Variants in POLDIP3 observed in about 807,000 individuals in gnomAD.
POLDIP3 encodes the protein polymerase delta-interacting protein 3.
POLDIP3 carries 14 observed loss-of-function variants against 45.1 expected under a neutral mutation model. The ratio of observed to expected loss-of-function variants is 0.31; its 90% confidence interval spans 0.20 to 0.49. POLDIP3 has a LOEUF of 0.49. Among genes scored for constraint, POLDIP3 ranks in the 20% least tolerant of loss-of-function variants. The probability of loss-of-function intolerance (pLI) is 0.99; values close to 1 mark genes in which losing one functional copy is unlikely to be tolerated. For missense variants in POLDIP3, 511 were observed against 538.8 expected (o/e 0.95, Z 0.51); for synonymous variants, 223 against 205.2 (o/e 1.09, Z -0.74).
In POLDIP3 at chr22:42,605,095, ACT is replaced by A. The variant is rs368468520; in HGVS notation, c.60-1937_60-1936del. 8.8e-4 allele frequency among the ~76,000 whole-genome samples: 134 copies of A among 152,166 alleles called. 1 individual carries two copies. In the East Asian group the frequency reaches 0.022, roughly 25 times the overall value. On this transcript the variant is annotated intron_variant, in intron 1 of 8. Coordinates refer to ENST00000252115, the MANE Select transcript of POLDIP3 (RefSeq NM_032311.5). ...AGCATCCTGATCCTGGACTTCCCAG[ACT>A]CTCTGTGACAAGGAAGTTTCTTTTC...
At position 42,596,338 on chromosome 22, in the gene POLDIP3, T is replaced by A. The variant is rs796647560; in HGVS notation, c.661A>T (p.Met221Leu). The change falls in exon 5 of 9, where the codon ATG becomes TTG. Residue 221 changes from methionine to leucine, a missense_variant. Around this residue, in one of 4 missense-constraint regions of POLDIP3, gnomAD observed 378 missense variants for 352.3 expected, o/e 1.07. Transcript: ENST00000252115. Reference sequence around the variant, plus strand: ...TTGGTGAGAGGGAGGGCCTTGGACATGGAAAGCTTGGAACTGCTTAGCCCA... The same window carrying A: ...TTGGTGAGAGGGAGGGCCTTGGACAAGGAAAGCTTGGAACTGCTTAGCCCA... ...MAGLSSSKLS[M>L]SKALPLTKVV... 8 of 1,613,976 alleles carry A rather than the reference T, an allele frequency of 5.0e-6. No individual in the cohort carries two copies. The highest frequency in any genetic ancestry group is 1.6e-4 in the Middle Eastern group (1 of 6,084).
At chr22:42,588,783 C>T (rs1442107032) in intron 7 of POLDIP3, among the ~76,000 whole-genome samples, 1 of 152,048 alleles carries the variant, frequency 6.6e-6, no homozygotes, top group Non-Finnish European at 1.5e-5. Flanking sequence ...CATGTACCAC[C>T]ACACCTGGCT....
At chr22:42,608,263 C>CA (rs1926898103) in intron 1 of POLDIP3, among the ~76,000 whole-genome samples, 9 of 130,054 alleles carry the variant, frequency 6.9e-5, no homozygotes, top group African/African-American at 1.6e-4. Flanking sequence ...ACCCCCCCCC[C>CA]CAAAAAAAAA....
chr22:42,601,887 A>G, intron 3 of POLDIP3, 83 bp downstream of exon 3: 1 of 1,445,326 alleles, frequency 6.9e-7, no homozygotes. Context: ...CCACCCAAGT[A>G]GGCCTCATCA....
chr22:42,609,149 G>A (rs1349838904), intron 1 of POLDIP3, among the ~76,000 whole-genome samples: 1 of 152,294 alleles, frequency 6.6e-6, no homozygotes, highest in East Asian at 1.9e-4. Context: ...ACCCCTGGGG[G>A]GGCCTCGGCT....
Position 42,592,589 on chromosome 22 carries a change from C to T in POLDIP3, c.892-505G>A, listed in dbSNP as rs376755965. On this transcript the variant is annotated intron_variant, in intron 6 of 8. Transcript: ENST00000252115. Reference sequence around the variant, plus strand: ...CCCCAGCAAAACAGGGACAGTTGGTCACTCTAAGTCAGACCTGAGTTTGAT... The same window carrying T: ...CCCCAGCAAAACAGGGACAGTTGGTTACTCTAAGTCAGACCTGAGTTTGAT... Among the ~76,000 whole-genome samples, 48 of 152,304 alleles carry T rather than the reference C, an allele frequency of 3.2e-4. 1 individual carries two copies. The South Asian group carries it at 1.0e-2, about 32-fold the overall frequency.
At chr22:42,602,178 C>T (rs1926433226) in intron 2 of POLDIP3, 122 bp from the exon 3 acceptor site, 1 of 1,459,288 alleles carries the variant, frequency 6.9e-7, no homozygotes, top group East Asian at 2.3e-5. Flanking sequence ...AAAGGCACTA[C>T]AGAGGGCCTT....
chr22:42,607,551 G>C (rs1310214992), intron 1 of POLDIP3, among the ~76,000 whole-genome samples: 3 of 151,516 alleles, frequency 2.0e-5, no homozygotes, highest in African/African-American at 7.3e-5. Context: ...AGTGAGGAGC[G>C]TCTCTGCCTG....
intron 1 of POLDIP3, among the ~76,000 whole-genome samples, chr22:42,604,290 G>A (rs1926586653): frequency 6.6e-6 from 1 of 152,082 alleles, no homozygotes; most frequent in Non-Finnish European, 1.5e-5. Flanking sequence ...GGGTGGGGCG[G>A]GGGGAGGAGA....
rs977458930 is a variant in POLDIP3, at chr22:42,585,430, A to G, written c.*361T>C. 1.1e-5 allele frequency: 4 copies of G among 366,644 alleles called. No homozygotes were observed. Among genetic ancestry groups the G allele is most frequent in the South Asian group, 6.3e-5 (3 of 47,872 alleles). 22.7% of individuals were successfully genotyped at this position (366,644 alleles called of 1,614,324 possible). ...CTGGAAAAAGCAGGGTCCTTCAGAC[A>G]GCCCCCACGCTGCATCCCATGGGGC... On this transcript the variant is annotated 3_prime_UTR_variant, in exon 9 of 9. Coordinates refer to ENST00000252115, the MANE Select transcript of POLDIP3 (RefSeq NM_032311.5).
At chr22:42,601,547 G>C (rs899231841) in intron 3 of POLDIP3, among the ~76,000 whole-genome samples, 1 of 152,070 alleles carries the variant, frequency 6.6e-6, no homozygotes, top group African/African-American at 2.4e-5. Context: ...GGGATCACAA[G>C]GTCAAGAAAT....
Position 42,601,227 on chromosome 22 carries a change from T to C in POLDIP3, c.537+743A>G, listed in dbSNP as rs376088962. 1.5e-4 allele frequency among the ~76,000 whole-genome samples: 23 copies of C among 151,654 alleles called. No individual in the cohort carries two copies. In the South Asian group the frequency reaches 1.7e-3, roughly 11 times the overall value. Reference sequence around the variant, plus strand: ...ACATAGAACTTTTATTTAAAAAAATTAGGCCGGGCGCGGTGGCTCACACCT... The same window carrying C: ...ACATAGAACTTTTATTTAAAAAAATCAGGCCGGGCGCGGTGGCTCACACCT... On this transcript the variant is annotated intron_variant, in intron 3 of 8. Transcript: ENST00000252115.
At position 42,614,822 on chromosome 22, in the gene POLDIP3, C is replaced by T. The variant is rs138353113; in HGVS notation, c.36G>A (p.Lys12=). The T allele has an allele frequency of 6.2e-7, 1 of 1,614,108 alleles. No individual in the cohort carries two copies. The highest frequency in any genetic ancestry group is 8.5e-7 in the Non-Finnish European group (1 of 1,179,968). Residue 12 remains lysine, a synonymous_variant, in exon 1 of 9, where the codon AAG becomes AAA. Coordinates refer to ENST00000252115, the MANE Select transcript of POLDIP3 (RefSeq NM_032311.5). ...ACCGTCCTTTCGCCGCCGCCCCGCG[C>T]TTCCTGATGAGTTCGTCCAGGGAGA... The part of the protein sequence containing the change: ...ADISLDELIR[K]RGAAAKGRLN...
chr22:42,596,502 CA>C (rs1926002358), intron 4 of POLDIP3, 137 bp from the exon 5 acceptor site: 12 of 875,322 alleles, frequency 1.4e-5, no homozygotes, highest in South Asian at 1.1e-4. Context: ...GGTCTGGAGC[CA>C]AAAAGGCTGC....
intron 6 of POLDIP3, among the ~76,000 whole-genome samples, chr22:42,594,862 GGA>G (rs1315850919): frequency 6.6e-6 from 1 of 152,192 alleles, no homozygotes; most frequent in African/African-American, 2.4e-5. Context: ...AAAGGACACA[GGA>G]AAACACAACT....
chr22:42,609,960 G>A (rs1927019835), intron 1 of POLDIP3, among the ~76,000 whole-genome samples: 1 of 152,108 alleles, frequency 6.6e-6, no homozygotes, highest in African/African-American at 2.4e-5. Context: ...ATCACTTGAG[G>A]TCAGGAGTTT....
intron 1 of POLDIP3, among the ~76,000 whole-genome samples, chr22:42,611,018 T>C (rs1412187018): frequency 1.3e-5 from 2 of 152,166 alleles, no homozygotes; most frequent in African/African-American, 4.8e-5. Flanking sequence ...TCACTGGAGA[T>C]GTGCTGTGGT....
intron 2 of POLDIP3, among the ~76,000 whole-genome samples, chr22:42,602,421 G>A (rs1926450767): frequency 1.3e-5 from 2 of 152,224 alleles, no homozygotes; most frequent in African/African-American, 4.8e-5. Context: ...GGGCCTGGGG[G>A]TGGAGTGAGG....
At chr22:42,594,880 A>G (rs1401075094) in intron 6 of POLDIP3, among the ~76,000 whole-genome samples, 1 of 152,230 alleles carries the variant, frequency 6.6e-6, no homozygotes, top group African/African-American at 2.4e-5. Context: ...CAACTATTGG[A>G]TACTGCCCAG....
Sources: gnomAD v4.1 joint callset for allele counts (sites outside exome capture counted in the v4.1 genomes callset) on GRCh38, gnomAD v4.1.1 for gene constraint, gnomAD v4.1.1 regional missense constraint, MANE v1.5 for transcripts, NCBI Gene and HGNC (gene_info 2026-07-23, HGNC 2026-07-21) for gene names.